CDC40: variants seen among roughly 807,000 people sequenced by gnomAD.
CDC40 encodes pre-mRNA-processing factor 17.
Under a neutral mutation model 80.6 loss-of-function variants are expected in CDC40, and 27 were observed. The observed-to-expected ratio is 0.33, with a 90% CI of 0.25 to 0.46. The LOEUF is 0.46. CDC40 is among the 20% of genes least tolerant of loss of function. The pLI, the probability that CDC40 is intolerant of heterozygous loss-of-function variation, is 1.00. For missense variants in CDC40, 486 were observed against 694.1 expected (o/e 0.70, Z 3.37); for synonymous variants, 221 against 232.6 (o/e 0.95, Z 0.45).
intron 2 of CDC40, among the ~76,000 whole-genome samples, chr6:110,193,648 G>A (rs1327692863): frequency 2.6e-5 from 4 of 152,092 alleles, no homozygotes; most frequent in East Asian, 1.9e-4. Context: ...CTCATGATCC[G>A]CCCTCCTGGG....
intron 7 of CDC40, 116 bp downstream of exon 7, chr6:110,212,388 A>G (rs1355803458): frequency 1.0e-5 from 10 of 987,468 alleles, no homozygotes; most frequent in Non-Finnish European, 1.5e-5. Context: ...GGGAAGTCAA[A>G]TTGAATGTAA....
chr6:110,210,960 A>C (rs79488866), intron 6 of CDC40, 157 bp downstream of exon 6: 8,504 of 333,318 alleles, frequency 0.026, 144 homozygotes, highest in Non-Finnish European at 0.037. Context: ...AGGAAATTAC[A>C]GCAGACTTCT....
chr6:110,192,664 A>G (rs1777367053), intron 1 of CDC40, among the ~76,000 whole-genome samples: 1 of 152,208 alleles, frequency 6.6e-6, no homozygotes, highest in South Asian at 2.1e-4. Flanking sequence ...TGGAGATGAG[A>G]TGTTTATTTT....
At chr6:110,182,972 C>T (rs988840018) in intron 1 of CDC40, among the ~76,000 whole-genome samples, 5 of 152,172 alleles carry the variant, frequency 3.3e-5, no homozygotes, top group African/African-American at 4.8e-5. Flanking sequence ...TTTTTGGTAG[C>T]ATGTGAGTCC....
rs1584088941 is a variant in CDC40, at chr6:110,231,722, G to C, written c.*1591G>C. ...ATAACCTAAGAGCATTAAGCTCTGAGTCCAGTGAGGTCATAGCAGTGTATG... is the reference window on the plus strand; with the variant it reads ...ATAACCTAAGAGCATTAAGCTCTGACTCCAGTGAGGTCATAGCAGTGTATG... On this transcript the variant is annotated 3_prime_UTR_variant, in exon 15 of 15. Coordinates refer to ENST00000307731, the MANE Select transcript of CDC40 (RefSeq NM_015891.3). 2 of 151,514 alleles carry C rather than the reference G, an allele frequency of 1.3e-5. No individual in the cohort carries two copies. The highest frequency in any genetic ancestry group is 4.9e-5 in the African/African-American group (2 of 41,202). 9.4% of individuals were successfully genotyped at this position (151,514 alleles called of 1,614,324 possible).
intron 12 of CDC40, among the ~76,000 whole-genome samples, chr6:110,224,832 T>A (rs2114673279): frequency 6.6e-6 from 1 of 152,382 alleles, no homozygotes; most frequent in Admixed American, 6.5e-5. Context: ...TATTTTTGTT[T>A]ACTTTTGTTA....
intron 1 of CDC40, among the ~76,000 whole-genome samples, chr6:110,192,802 G>T (rs1312875561): frequency 6.6e-6 from 1 of 152,092 alleles, no homozygotes; most frequent in East Asian, 1.9e-4. Flanking sequence ...AGTGCAATTT[G>T]GTTGCATATC....
At chr6:110,208,738 C>T (rs188915148) in intron 4 of CDC40, among the ~76,000 whole-genome samples, 2 of 152,200 alleles carry the variant, frequency 1.3e-5, no homozygotes, top group Admixed American at 6.5e-5. Context: ...TCCAGAAAGT[C>T]GTACAAATCC....
intron 1 of CDC40, among the ~76,000 whole-genome samples, chr6:110,192,767 T>G (rs1048891275): frequency 3.9e-5 from 6 of 152,220 alleles, no homozygotes; most frequent in African/African-American, 1.4e-4. Context: ...TCACTTCCTT[T>G]TGTTTCCTCT....
At chr6:110,216,861 A>G (rs1314255714) in intron 9 of CDC40, among the ~76,000 whole-genome samples, 1 of 152,206 alleles carries the variant, frequency 6.6e-6, no homozygotes, top group Non-Finnish European at 1.5e-5. Flanking sequence ...AATAATCAGC[A>G]CCTTAAAATT....
intron 4 of CDC40, among the ~76,000 whole-genome samples, chr6:110,207,868 ATCAC>A (rs1285150143): frequency 5.3e-5 from 8 of 152,228 alleles, no homozygotes; most frequent in Non-Finnish European, 4.4e-5. Flanking sequence ...CCCTGTAGAA[ATCAC>A]TCAATAAATT....
intron 12 of CDC40, chr6:110,224,337 T>C (rs912350251): frequency 1.3e-5 from 2 of 152,236 alleles, no homozygotes; most frequent in Non-Finnish European, 2.9e-5. Flanking sequence ...TACTAGCTTA[T>C]TATACTGAAT....
At chr6:110,191,672 G>A (rs1220113492) in intron 1 of CDC40, among the ~76,000 whole-genome samples, 1 of 152,162 alleles carries the variant, frequency 6.6e-6, no homozygotes, top group Non-Finnish European at 1.5e-5. Context: ...GAGACCCCAA[G>A]GCAGGATTGT....
intron 12 of CDC40, among the ~76,000 whole-genome samples, chr6:110,220,473 G>A (rs1323940827): frequency 3.0e-5 from 4 of 134,642 alleles, no homozygotes; most frequent in South Asian, 2.3e-4. Flanking sequence ...TTTTTGAGAC[G>A]GATTCTTGCT....
chr6:110,195,599 T>C (rs1777409250), intron 2 of CDC40, among the ~76,000 whole-genome samples: 1 of 152,282 alleles, frequency 6.6e-6, no homozygotes, highest in South Asian at 2.1e-4. Flanking sequence ...AATCAGATAA[T>C]GTATGATATA....
At chr6:110,217,390 T>G (rs1168754495) in intron 9 of CDC40, among the ~76,000 whole-genome samples, 1 of 152,214 alleles carries the variant, frequency 6.6e-6, no homozygotes, top group Non-Finnish European at 1.5e-5. Context: ...ATCACTTGTA[T>G]GTACTGCATA....
At chr6:110,206,030 T>C (rs1562203495) in intron 3 of CDC40, among the ~76,000 whole-genome samples, 1 of 152,246 alleles carries the variant, frequency 6.6e-6, no homozygotes, top group African/African-American at 2.4e-5. Context: ...GGTTCTGTTA[T>C]AGCATATCAT....
intron 5 of CDC40, among the ~76,000 whole-genome samples, chr6:110,209,919 TATAG>T (rs759900996): frequency 2.6e-5 from 4 of 152,294 alleles, no homozygotes; most frequent in East Asian, 1.9e-4. Context: ...GACTTGTTAT[TATAG>T]ATAGAGATTT....
At chr6:110,211,602 T>TAC (rs1562204783) in intron 6 of CDC40, 2 of 152,728 alleles carry the variant, frequency 1.3e-5, no homozygotes, top group African/African-American at 4.8e-5. Flanking sequence ...GCTGTATATA[T>TAC]ACTATGTCAT....
Sources: allele counts gnomAD v4.1 joint callset (sites outside exome capture counted in the v4.1 genomes callset), GRCh38; gene constraint gnomAD v4.1.1; transcripts MANE v1.5; gene names NCBI Gene and HGNC (gene_info 2026-07-23, HGNC 2026-07-21).